The following CNTNAP4 variants were observed in gnomAD, a reference collection of about 807,000 sequenced individuals.
The protein encoded by CNTNAP4 is contactin-associated protein-like 4.
CNTNAP4 carries 98 observed loss-of-function variants against 148.4 expected under a neutral mutation model. The observed-to-expected ratio is 0.66, with a 90% CI of 0.56 to 0.78. The LOEUF is 0.78. CNTNAP4 is among the 30% of genes least tolerant of loss of function. The probability of loss-of-function intolerance (pLI) is 0.00; values close to 1 mark genes in which losing one functional copy is unlikely to be tolerated. For missense variants in CNTNAP4, 1,935 were observed against 1,565.6 expected, an observed-to-expected ratio of 1.24 and a Z score of -3.98; for synonymous variants, 730 against 565.1, an observed-to-expected ratio of 1.29 and a Z score of -4.14.
At chr16:76,550,395 C>T (rs780503710) in intron 21 of CNTNAP4, among the ~76,000 whole-genome samples, 4 of 152,072 alleles carry the variant, frequency 2.6e-5, no homozygotes, top group Admixed American at 6.5e-5. Context: ...TGAGTTTTAG[C>T]GGTCATTGGT....
At chr16:76,368,660 C>T (rs750188242) in intron 3 of CNTNAP4, among the ~76,000 whole-genome samples, 29 of 151,708 alleles carry the variant, frequency 1.9e-4, no homozygotes, top group Non-Finnish European at 3.4e-4. Flanking sequence ...CATCACACAC[C>T]GGGGCCTGTT....
At chr16:76,397,964 A>T (rs1318188034) in intron 3 of CNTNAP4, among the ~76,000 whole-genome samples, 1 of 43,414 alleles carries the variant, frequency 2.3e-5, no homozygotes, top group African/African-American at 1.1e-4. Flanking sequence ...ATATATATAT[A>T]TATATATATA....
chr16:76,465,399 A>G (rs1258030388), intron 9 of CNTNAP4, among the ~76,000 whole-genome samples: 1 of 152,154 alleles, frequency 6.6e-6, no homozygotes, highest in Admixed American at 6.5e-5. Context: ...GTAGCTAGGA[A>G]TATGAATTGC....
At chr16:76,517,336 A>G (rs1363580441) in intron 15 of CNTNAP4, among the ~76,000 whole-genome samples, 1 of 152,134 alleles carries the variant, frequency 6.6e-6, no homozygotes, top group Non-Finnish European at 1.5e-5. Context: ...TTGTTTTGTA[A>G]GGTATGATCA....
chr16:76,303,782 A>C (rs760420463), intron 1 of CNTNAP4, among the ~76,000 whole-genome samples: 2 of 152,204 alleles, frequency 1.3e-5, no homozygotes, highest in Non-Finnish European at 2.9e-5. Context: ...CTTTTGGAAC[A>C]TCAAAAATTA....
intron 11 of CNTNAP4, among the ~76,000 whole-genome samples, chr16:76,478,027 A>G (rs2081655931): frequency 6.6e-6 from 1 of 152,228 alleles, no homozygotes; most frequent in African/African-American, 2.4e-5. Context: ...TGAAGCCAGA[A>G]TGACAGTCTT....
intron 3 of CNTNAP4, among the ~76,000 whole-genome samples, chr16:76,390,547 A>G (rs141604827): frequency 1.3e-5 from 2 of 149,322 alleles, no homozygotes; most frequent in Non-Finnish European, 3.0e-5. Flanking sequence ...ACTTAATGCT[A>G]TCTCTTCTGG....
At chr16:76,490,688 A>C (rs2082186033) in intron 13 of CNTNAP4, among the ~76,000 whole-genome samples, 1 of 152,190 alleles carries the variant, frequency 6.6e-6, no homozygotes, top group South Asian at 2.1e-4. Flanking sequence ...ACACAGTTCT[A>C]TTTAAGAAGC....
intron 3 of CNTNAP4, among the ~76,000 whole-genome samples, chr16:76,403,490 AATGAG>A (rs1297235004): frequency 6.6e-6 from 1 of 152,228 alleles, no homozygotes; most frequent in Non-Finnish European, 1.5e-5. Flanking sequence ...TCAAAGCCAC[AATGAG>A]ATATCATCTC....
intron 15 of CNTNAP4, among the ~76,000 whole-genome samples, chr16:76,514,123 A>G (rs1392382208): frequency 6.6e-6 from 1 of 152,152 alleles, no homozygotes; most frequent in Non-Finnish European, 1.5e-5. Context: ...AGGTTACTTC[A>G]AATAGAATAA....
chr16:76,551,035 A>G (rs1453698126), intron 21 of CNTNAP4, among the ~76,000 whole-genome samples: 5 of 152,226 alleles, frequency 3.3e-5, no homozygotes, highest in Non-Finnish European at 7.3e-5. Context: ...GATATTCAAA[A>G]TACTAAACAT....
chr16:76,400,491 AG>A (rs2078370203), intron 3 of CNTNAP4, among the ~76,000 whole-genome samples: 1 of 151,878 alleles, frequency 6.6e-6, no homozygotes, highest in African/African-American at 2.4e-5. Flanking sequence ...CTATTCTGTA[AG>A]TTGTCTGTTT....
intron 17 of CNTNAP4, among the ~76,000 whole-genome samples, chr16:76,532,890 T>C (rs1302922770): frequency 1.3e-5 from 2 of 151,814 alleles, no homozygotes; most frequent in Non-Finnish European, 2.9e-5. Context: ...AAAAGAAAAA[T>C]CCTGAGGATA....
intron 3 of CNTNAP4, among the ~76,000 whole-genome samples, chr16:76,410,957 G>A (rs2078771311): frequency 6.6e-6 from 1 of 151,294 alleles, no homozygotes; most frequent in East Asian, 1.9e-4. Context: ...AAGATACAGT[G>A]GTACTCAGGT....
intron 3 of CNTNAP4, among the ~76,000 whole-genome samples, chr16:76,373,761 G>A (rs759150035): frequency 2.6e-5 from 4 of 152,046 alleles, no homozygotes; most frequent in Non-Finnish European, 5.9e-5. Context: ...CAGGCATGGT[G>A]GCAGGCGCCT....
intron 3 of CNTNAP4, among the ~76,000 whole-genome samples, chr16:76,373,892 T>A: frequency 1.1e-5 from 1 of 88,410 alleles, no homozygotes. Flanking sequence ...TGAAACTCCA[T>A]CTCACAAAAA....
chr16:76,439,866 C>A (rs376909151), intron 4 of CNTNAP4, among the ~76,000 whole-genome samples: 1 of 151,964 alleles, frequency 6.6e-6, no homozygotes, highest in Non-Finnish European at 1.5e-5. Flanking sequence ...AATCTATTTC[C>A]TGTTGATTTC....
intron 2 of CNTNAP4, among the ~76,000 whole-genome samples, chr16:76,341,991 G>C (rs543642032): frequency 6.6e-6 from 1 of 152,172 alleles, no homozygotes; most frequent in Admixed American, 6.5e-5. Context: ...AGATGTTTTT[G>C]CTGATGAGTT....
Position 76,536,423 on chromosome 16 carries a change from C to T in CNTNAP4, c.2995+639C>T, listed in dbSNP as rs374821922. ...GTTGCCCAGGCTGGTCTCAAGTTCC[C>T]GACCTCAAGTAATCCACCCACCTGA... is the stretch of plus-strand genomic sequence containing the variant. On this transcript the variant is annotated intron_variant, in intron 18 of 23. Coordinates refer to ENST00000611870, the MANE Select transcript of CNTNAP4 (RefSeq NM_033401.5). 2.5e-4 allele frequency among the ~76,000 whole-genome samples: 38 copies of T among 152,012 alleles called. No individual in the cohort carries two copies. In the East Asian group the frequency reaches 4.7e-3, roughly 19 times the overall value.
Sources: allele counts gnomAD v4.1 joint callset (sites outside exome capture counted in the v4.1 genomes callset), GRCh38; gene constraint gnomAD v4.1.1; transcripts MANE v1.5; gene names NCBI Gene and HGNC (gene_info 2026-07-23, HGNC 2026-07-21).